Variants in NBR1 observed in about 807,000 individuals in gnomAD.
NBR1 encodes NBR1 autophagy cargo receptor.
A neutral mutation model predicts 115.5 loss-of-function variants in NBR1; 59 were observed. The observed-to-expected ratio is 0.51, with a 90% CI of 0.41 to 0.63. The LOEUF (loss-of-function observed/expected upper bound fraction) is 0.63, where lower values mean the gene tolerates loss of function less well. NBR1 is among the 30% of genes least tolerant of loss of function. NBR1 has a pLI of 0.00. For synonymous variants in NBR1, 373 were observed against 414.7 expected, an observed-to-expected ratio of 0.90 and a Z score of 1.22; for missense variants, 1,043 against 1,150.5, an observed-to-expected ratio of 0.91 and a Z score of 1.35.
chr17:43,172,000 C>T, intron 1 of NBR1, among the ~76,000 whole-genome samples: 1 of 151,804 alleles, frequency 6.6e-6, no homozygotes, highest in South Asian at 2.1e-4. Flanking sequence ...CTGGTGGAGA[C>T]AGTAATCAAA....
intron 16 of NBR1, among the ~76,000 whole-genome samples, chr17:43,199,478 C>T (rs2057145851): frequency 6.6e-6 from 1 of 151,894 alleles, no homozygotes. Context: ...AGGTTCACAC[C>T]ATTCTCCTGC....
At position 43,190,840 on chromosome 17, in the gene NBR1, T is replaced by C. The variant is rs879657987; in HGVS notation, c.863+64T>C. The stretch of plus-strand genomic sequence containing the variant: ...ACTTCTTGGTTCTGGTGACAGGGTA[T>C]GAATCACAAAACTACAGATAGTCTC... On this transcript the variant is annotated intron_variant, in intron 9 of 20. Coordinates refer to ENST00000590996, the MANE Select transcript of NBR1 (RefSeq NM_005899.5). 3.4e-6 allele frequency: 5 copies of C among 1,478,508 alleles called. No individual in the cohort carries two copies. The Admixed American group carries it at 1.1e-4, about 33-fold the overall frequency. The allele number at this position is 1,478,508 out of a possible 1,614,324, so 91.6% of individuals were successfully genotyped here.
intron 17 of NBR1, 54 bp from the exon 18 acceptor site, chr17:43,201,632 C>A: frequency 1.9e-6 from 2 of 1,041,734 alleles, no homozygotes; most frequent in Non-Finnish European, 3.0e-6. Flanking sequence ...TATTTCTCCA[C>A]TGTTGCCATA....
Position 43,211,557 on chromosome 17 carries a change from G to GGT in NBR1, c.*1485_*1486dup, listed in dbSNP as rs2057416035. The stretch of plus-strand genomic sequence containing the variant: ...GCGGCAGGGTGTAATTGGGTTGATG[G>GGT]GTGGGACCTGTCTTGACCATCGGAG... On this transcript the variant is annotated 3_prime_UTR_variant, in exon 21 of 21. Transcript: ENST00000590996. 6.6e-6 allele frequency: 1 copy of GGT among 152,496 alleles called. No individual in the cohort carries two copies. The highest frequency in any genetic ancestry group is 1.5e-5 in the Non-Finnish European group (1 of 68,044). 9.4% of individuals were successfully genotyped at this position (152,496 alleles called of 1,614,324 possible).
At chr17:43,177,532 T>C (rs1457930951) in intron 2 of NBR1, among the ~76,000 whole-genome samples, 1 of 149,966 alleles carries the variant, frequency 6.7e-6, no homozygotes, top group Non-Finnish European at 1.5e-5. Flanking sequence ...GTTATGGCTT[T>C]AAAAAACATT....
chr17:43,205,056 A>G (rs572860923), intron 20 of NBR1, among the ~76,000 whole-genome samples: 1 of 152,090 alleles, frequency 6.6e-6, no homozygotes, highest in South Asian at 2.1e-4. Context: ...CTTAAAGTAC[A>G]TAGTAAGATA....
At chr17:43,192,985 TG>T in intron 10 of NBR1, 108 bp from the exon 11 acceptor site, 1 of 1,072,436 alleles carries the variant, frequency 9.3e-7, no homozygotes, top group Non-Finnish European at 1.4e-6. Flanking sequence ...TTAAGGCAAA[TG>T]GGTTAGCACA....
rs71160024 is a variant in NBR1, at chr17:43,184,372, C to CTTTTTTTTTTTTTTTTTTTTT, written c.208-1867_208-1866insTTTTTTTTTTTTTTTTTTTTT. On this transcript the variant is annotated intron_variant, in intron 5 of 20. Transcript: ENST00000590996. Reference sequence around the variant, plus strand: ...CCTCTCATCGCCCCAAAATACTATTCTTTTTTTTTTTGAGACAGAGTCTCA... The same window carrying CTTTTTTTTTTTTTTTTTTTTT: ...CCTCTCATCGCCCCAAAATACTATTCTTTTTTTTTTTTTTTTTTTTTTTTTTTTTTTTGAGACAGAGTCTCA... Among the ~76,000 whole-genome samples the CTTTTTTTTTTTTTTTTTTTTT allele has an allele frequency of 5.2e-4, 50 of 96,202 alleles. 12 individuals carry two copies. The highest frequency in any genetic ancestry group is 1.7e-3 in the South Asian group (4 of 2,350). 63.1% of individuals were successfully genotyped at this position (96,202 alleles called of 152,430 possible).
At chr17:43,178,176 G>C in intron 3 of NBR1, 178 bp downstream of exon 3, 2 of 665,316 alleles carry the variant, frequency 3.0e-6, no homozygotes, top group Middle Eastern at 5.6e-4. Context: ...TTGAGAAATG[G>C]AGAAGCAACA....
In NBR1 at chr17:43,203,705, T is replaced by A; in HGVS notation, c.2646T>A (p.Ala882=). 6.2e-7 allele frequency: 1 copy of A among 1,610,326 alleles called. No individual in the cohort carries two copies. Among genetic ancestry groups the A allele is most frequent in the South Asian group, 1.1e-5 (1 of 90,114 alleles). ...GGCACCATCATGGGAGCAGCATTGC[T>A]GGAGGACTGGTGAAGGGGGCTTTGT... ...HSRHHHGSSI[A]GGLVKGALSV... is the part of the protein sequence containing the mutation. Residue 882 remains alanine (A), a synonymous_variant, in exon 20 of 21, where the codon GCT becomes GCA. Transcript: ENST00000590996.
In NBR1 at chr17:43,186,333, A is replaced by G. The variant is rs1389901064; in HGVS notation, c.291A>G (p.Val97=). 1 of 1,596,330 alleles carries G rather than the reference A, an allele frequency of 6.3e-7. No homozygotes were observed. The highest frequency in any genetic ancestry group is 8.5e-7 in the Non-Finnish European group (1 of 1,171,448). The change falls in exon 6 of 21, where the codon GTA becomes GTG. Residue 97 remains valine, a synonymous_variant. Coordinates refer to ENST00000590996, the MANE Select transcript of NBR1 (RefSeq NM_005899.5). ...HVVDEAPPPV[V]GAKRLAARAG... ...TTGATGAAGCCCCACCCCCAGTTGTAGGAGCAAAACGACTAGCTGCCAGGG... is the reference window on the plus strand; with the variant it reads ...TTGATGAAGCCCCACCCCCAGTTGTGGGAGCAAAACGACTAGCTGCCAGGG...
intron 12 of NBR1, 107 bp from the exon 13 acceptor site, chr17:43,194,243 T>C: frequency 9.6e-7 from 1 of 1,038,982 alleles, no homozygotes; most frequent in Non-Finnish European, 1.4e-6. Context: ...ACATTGTTTT[T>C]TAAAATATGG....
At position 43,186,324 on chromosome 17, in the gene NBR1, C is replaced by A; in HGVS notation, c.282C>A (p.Pro94=). The change falls in exon 6 of 21, where the codon CCC becomes CCA. Residue 94 remains proline, a synonymous_variant. Coordinates refer to ENST00000590996, the MANE Select transcript of NBR1 (RefSeq NM_005899.5). ...ACCATGTCGTTGATGAAGCCCCACC[C>A]CCAGTTGTAGGAGCAAAACGACTAG... ...EGHHVVDEAP[P]PVVGAKRLAA... 1.3e-6 allele frequency: 2 copies of A among 1,593,752 alleles called. No individual in the cohort carries two copies. The highest frequency in any genetic ancestry group is 4.5e-5 in the East Asian group (2 of 44,026).
chr17:43,176,806 G>A (rs1286293557), intron 2 of NBR1: 1 of 152,030 alleles, frequency 6.6e-6, no homozygotes, highest in Non-Finnish European at 1.5e-5. Context: ...AATTGTATAA[G>A]TATAATACAT....
intron 5 of NBR1, among the ~76,000 whole-genome samples, chr17:43,183,112 T>A (rs774919463): frequency 6.6e-6 from 1 of 151,258 alleles, no homozygotes; most frequent in Non-Finnish European, 1.5e-5. Flanking sequence ...AGGCTAGTCT[T>A]GAACTTCTAG....
intron 14 of NBR1, chr17:43,196,265 G>T (rs953545550): frequency 2.4e-6 from 1 of 425,474 alleles, no homozygotes; most frequent in Non-Finnish European, 4.1e-6. Context: ...AGCTTTCCAG[G>T]CTAAATAACT....
In NBR1 at chr17:43,196,995, G is replaced by A. The variant is rs1016370364; in HGVS notation, c.1915G>A (p.Ala639Thr). 2.5e-6 allele frequency: 4 copies of A among 1,613,932 alleles called. No homozygotes were observed. Among genetic ancestry groups the A allele is most frequent in the Admixed American group, 3.3e-5 (2 of 60,006 alleles). Residue 639 changes from alanine (A) to threonine (T), a missense_variant, in exon 16 of 21, where the codon GCA becomes ACA. By Grantham distance (58) the Ala-to-Thr change is moderately conservative (BLOSUM62 0). Transcript: ENST00000590996. ...TGAGAACATTGCTTCTGTGGAGGAA[G>A]CAGAAGAAGACCTGAGTGGGACCCA... ...KAENIASVEE[A>T]EEDLSGTQFV...
At chr17:43,176,556 A>G in intron 2 of NBR1, 1 of 152,210 alleles carries the variant, frequency 6.6e-6, no homozygotes, top group East Asian at 1.9e-4. Flanking sequence ...GATGATAACT[A>G]AAAAGGGAAA....
intron 20 of NBR1, among the ~76,000 whole-genome samples, chr17:43,209,180 C>T (rs1229019138): frequency 6.6e-6 from 1 of 151,866 alleles, no homozygotes; most frequent in Non-Finnish European, 1.5e-5. Context: ...GGGTTCACGC[C>T]GTTGTCCTGC....
Sources: allele counts gnomAD v4.1 joint callset (sites outside exome capture counted in the v4.1 genomes callset), GRCh38; gene constraint gnomAD v4.1.1; transcripts MANE v1.5; gene names NCBI Gene and HGNC (gene_info 2026-07-23, HGNC 2026-07-21).